The following JAK2 variants were observed in gnomAD, a reference collection of about 807,000 sequenced individuals.
The protein encoded by JAK2 is Janus kinase 2.
A neutral mutation model predicts 139.3 loss-of-function variants in JAK2; 86 were observed. The ratio of observed to expected loss-of-function variants is 0.62; its 90% CI spans 0.52 to 0.74. The LOEUF (loss-of-function observed/expected upper bound fraction) is 0.74. JAK2 is among the 30% of genes least tolerant of loss of function. The probability of loss-of-function intolerance (pLI) is 0.00; values close to 1 mark genes in which losing one functional copy is unlikely to be tolerated. For missense variants in JAK2, 1,421 were observed against 1,360.3 expected, an observed-to-expected ratio of 1.04 and a Z score of -0.70; for synonymous variants, 490 against 437.7, an observed-to-expected ratio of 1.12 and a Z score of -1.49.
intron 8 of JAK2, among the ~76,000 whole-genome samples, chr9:5,063,855 A>G (rs1000096910): frequency 3.3e-5 from 5 of 152,324 alleles, no homozygotes; most frequent in Middle Eastern, 3.4e-3. Flanking sequence ...ACATGTTCAC[A>G]TATGTATTAA....
rs191236285 is a variant in JAK2 at position 5,028,137 on chromosome 9, C to T, written c.227-1646C>T. On this transcript the variant is annotated intron_variant, in intron 3 of 24. Coordinates refer to ENST00000381652, the MANE Select transcript of JAK2 (RefSeq NM_004972.4). Reference sequence around the variant, plus strand: ...AGCCATAACCTTACTAAATGTGTTTCCCAAATAATAAGATTTGAAAGTCAA... The same window carrying T: ...AGCCATAACCTTACTAAATGTGTTTTCCAAATAATAAGATTTGAAAGTCAA... Among the ~76,000 whole-genome samples, 558 of 152,280 alleles carry T rather than the reference C, an allele frequency of 3.7e-3. 3 individuals are homozygous for T. The highest frequency in any genetic ancestry group is 0.013 in the African/African-American group (536 of 41,556).
rs1824067203 is a variant in JAK2 at position 5,127,339 on chromosome 9, G to T, written c.*548G>T. 4.3e-6 allele frequency: 1 copy of T among 231,924 alleles called. No individual in the cohort carries two copies. Among genetic ancestry groups the T allele is most frequent in the East Asian group, 6.1e-5 (1 of 16,480 alleles). The allele number at this position is 231,924 out of a possible 1,614,324, so 14.4% of individuals were successfully genotyped here. A position where few individuals can be genotyped will look rare whatever the true frequency, so the allele number is the denominator to read the frequency against. ...ATTGAATAAGTACCTTTGTGTCCTT[G>T]TTCATTTATATCGCTGGCCAGCATT... On this transcript the variant is annotated 3_prime_UTR_variant, in exon 25 of 25. Coordinates refer to ENST00000381652, the MANE Select transcript of JAK2 (RefSeq NM_004972.4).
chr9:5,091,018 T>C (rs1218758112), intron 22 of JAK2, 107 bp downstream of exon 22: 3 of 786,930 alleles, frequency 3.8e-6, no homozygotes, highest in Non-Finnish European at 2.0e-6. Flanking sequence ...ACAGTGAACA[T>C]TTAAGTCTTT....
At chr9:4,995,745 A>T (rs1168095977) in intron 2 of JAK2, among the ~76,000 whole-genome samples, 4 of 152,240 alleles carry the variant, frequency 2.6e-5, no homozygotes, top group Non-Finnish European at 5.9e-5. Context: ...TTAGGAATAG[A>T]AGCAGATCTT....
chr9:5,070,148 T>C (rs1818858945), intron 12 of JAK2, 96 bp downstream of exon 12: 3 of 805,218 alleles, frequency 3.7e-6, no homozygotes, highest in Non-Finnish European at 5.4e-6. Context: ...ATTATTTTGT[T>C]ATATACAAAT....
intron 2 of JAK2, among the ~76,000 whole-genome samples, chr9:5,002,952 A>G (rs1236247411): frequency 2.0e-5 from 3 of 151,988 alleles, no homozygotes; most frequent in African/African-American, 7.2e-5. Flanking sequence ...TTTGCCCCAT[A>G]TGAATAACCA....
chr9:4,986,409 A>G (rs1407213892), intron 2 of JAK2, among the ~76,000 whole-genome samples: 2 of 152,140 alleles, frequency 1.3e-5, no homozygotes, highest in South Asian at 2.1e-4. Flanking sequence ...CTGCTACCAC[A>G]TTGAATGTTT....
At chr9:5,027,674 C>G (rs1005741892) in intron 3 of JAK2, among the ~76,000 whole-genome samples, 1 of 152,182 alleles carries the variant, frequency 6.6e-6, no homozygotes, top group Admixed American at 6.5e-5. Context: ...TCACTCAAAC[C>G]CTGCCACTGC....
intron 8 of JAK2, among the ~76,000 whole-genome samples, chr9:5,064,536 A>G (rs1586728138): frequency 3.3e-5 from 5 of 152,210 alleles, no homozygotes; most frequent in African/African-American, 1.2e-4. Flanking sequence ...AAAAAAAAAA[A>G]AAAAGAAAAA....
chr9:5,120,512 C>T (rs1396036449), intron 22 of JAK2, among the ~76,000 whole-genome samples: 1 of 152,118 alleles, frequency 6.6e-6, no homozygotes, highest in African/African-American at 2.4e-5. Context: ...TTTAAGCTAA[C>T]AATATGGTTG....
intron 22 of JAK2, among the ~76,000 whole-genome samples, chr9:5,116,398 A>G (rs1823178071): frequency 1.3e-5 from 2 of 152,246 alleles, no homozygotes; most frequent in Non-Finnish European, 2.9e-5. Context: ...AAATGTCGTC[A>G]TGATAAACAT....
intron 2 of JAK2, among the ~76,000 whole-genome samples, chr9:5,006,869 G>A (rs1056682630): frequency 3.9e-5 from 6 of 152,110 alleles, no homozygotes; most frequent in Non-Finnish European, 7.4e-5. Flanking sequence ...TTCTTCTTGT[G>A]CTAGTTTAGG....
Position 5,072,590 on chromosome 9 carries a change from A to G in JAK2, c.1740A>G (p.Leu580=). 6.2e-7 allele frequency: 1 copy of G among 1,610,304 alleles called. No homozygotes were observed. The highest frequency in any genetic ancestry group is 8.5e-7 in the Non-Finnish European group (1 of 1,177,660). ...AACTGCATGAAACAGAAGTTCTTTTAAAAGTTCTGGATAAAGCACACAGAA... is the reference window on the plus strand; with the variant it reads ...AACTGCATGAAACAGAAGTTCTTTTGAAAGTTCTGGATAAAGCACACAGAA... ...YGQLHETEVL[L]KVLDKAHRNY... Residue 580 remains leucine, a synonymous_variant, in exon 13 of 25, where the codon TTA becomes TTG. Transcript: ENST00000381652.
chr9:5,085,166 C>T (rs1033480188), intron 19 of JAK2: 5 of 651,126 alleles, frequency 7.7e-6, no homozygotes, highest in Non-Finnish European at 1.5e-5. Context: ...CTGTCTACAT[C>T]TCCCGGCAAA....
chr9:5,113,049 T>A (rs1166007798), intron 22 of JAK2, among the ~76,000 whole-genome samples: 2 of 152,042 alleles, frequency 1.3e-5, no homozygotes, highest in African/African-American at 2.4e-5. Flanking sequence ...TGACGCTGGG[T>A]CCAGGAGCTC....
rs191207994 is a variant in JAK2 at position 5,044,116 on chromosome 9, T to C, written c.351-287T>C. 2.1e-4 allele frequency among the ~76,000 whole-genome samples: 32 copies of C among 152,374 alleles called. No individual in the cohort carries two copies. The East Asian group carries it at 6.0e-3, about 28-fold the overall frequency. ...CTGATGTTACTGGATTAAGCTATGT[T>C]TTTAACTTTTTGTTAATTTCTACAT... is the stretch of plus-strand genomic sequence containing the variant. On this transcript the variant is annotated intron_variant, in intron 4 of 24. Transcript: ENST00000381652.
rs956031369 is a variant in JAK2, at chr9:5,055,697, A to T, written c.965A>T (p.Asn322Ile). Residue 322 changes from asparagine (N) to isoleucine (I), a missense_variant, in exon 8 of 25, where the codon AAT becomes ATT. Transcript: ENST00000381652. ...TTACAGTTATATTGCGATTTTCCTA[A>T]TATTATTGATGTCAGTATTAAGCAA... ...QDLQLYCDFP[N>I]IIDVSIKQAN... 5 of 1,584,300 alleles carry T rather than the reference A, an allele frequency of 3.2e-6. No individual in the cohort carries two copies. Among genetic ancestry groups the T allele is most frequent in the Non-Finnish European group, 4.3e-6 (5 of 1,154,488 alleles).
In JAK2 at chr9:5,090,553, A is replaced by G; in HGVS notation, c.2869A>G (p.Thr957Ala). The G allele has an allele frequency of 6.3e-7, 1 of 1,583,376 alleles. No homozygotes were observed. Among genetic ancestry groups the G allele is most frequent in the Non-Finnish European group, 8.6e-7 (1 of 1,165,714 alleles). ...AGATCACATAAAACTTCTGCAGTAC[A>G]CATCTCAGATATGCAAGGTAACTAA... ...RIDHIKLLQY[T>A]SQICKGMEYL... The change falls in exon 21 of 25, where the codon ACA (threonine) becomes GCA (alanine). Residue 957 changes from threonine to alanine, a missense_variant. Physicochemically the swap from Thr to Ala is moderately conservative, Grantham distance 58. Transcript: ENST00000381652.
Position 5,012,982 on chromosome 9 carries a change from G to GA in JAK2, c.-25-8973dup, listed in dbSNP as rs201401450. On this transcript the variant is annotated intron_variant, in intron 2 of 24. Coordinates refer to ENST00000381652, the MANE Select transcript of JAK2 (RefSeq NM_004972.4). ...TGTTTAGTGTATGATGGTAGTTGTG[G>GA]AAAAAAAAGCCAATGGATGGATTTG... 2.6e-3 allele frequency among the ~76,000 whole-genome samples: 397 copies of GA among 151,702 alleles called. 5 individuals carry two copies. Among genetic ancestry groups the GA allele is most frequent in the African/African-American group, 9.0e-3 (374 of 41,400 alleles).
Sources: allele counts gnomAD v4.1 joint callset (sites outside exome capture counted in the v4.1 genomes callset), GRCh38; gene constraint gnomAD v4.1.1; transcripts MANE v1.5; gene names NCBI Gene and HGNC (gene_info 2026-07-23, HGNC 2026-07-21).